Variants in TGFB2 observed in about 807,000 individuals in gnomAD.
The protein encoded by TGFB2 is transforming growth factor beta-2 proprotein.
In TGFB2, 13 loss-of-function variants were observed where a neutral mutation model predicts 42.7. The ratio of observed to expected loss-of-function variants is 0.30; its 90% CI spans 0.20 to 0.48. The LOEUF (loss-of-function observed/expected upper bound fraction) is 0.48, where lower values mean the gene tolerates loss of function less well. Among genes scored for constraint, TGFB2 ranks in the 20% least tolerant of loss-of-function variants. The probability of loss-of-function intolerance (pLI) is 0.99; values close to 1 mark genes in which losing one functional copy is unlikely to be tolerated. For synonymous variants in TGFB2, 193 were observed against 193.6 expected (o/e 1.00, Z 0.03); for missense variants, 390 against 517.5 (o/e 0.75, Z 2.39).
rs536810691 is a variant in TGFB2, at chr1:218,444,415, T to C, written c.*3053T>C. On this transcript the variant is annotated 3_prime_UTR_variant, in exon 7 of 7. Coordinates refer to ENST00000366930, the MANE Select transcript of TGFB2 (RefSeq NM_003238.6). ...GGATAGTTGCTGAGCCAGCCAGATA[T>C]AACAAGAGCCACGTGCTTTCTGGGG... 4 of 152,280 alleles carry C rather than the reference T, an allele frequency of 2.6e-5. No individual in the cohort carries two copies. In the South Asian group the frequency reaches 8.3e-4, roughly 32 times the overall value. The allele number at this position is 152,280 out of a possible 1,614,324, so 9.4% of individuals were successfully genotyped here. A position where few individuals can be genotyped will look rare whatever the true frequency, so the allele number is the denominator to read the frequency against.
intron 2 of TGFB2, among the ~76,000 whole-genome samples, chr1:218,413,387 A>G (rs1305956676): frequency 2.0e-5 from 3 of 152,166 alleles, no homozygotes; most frequent in Non-Finnish European, 4.4e-5. Flanking sequence ...TCATCTGCCA[A>G]TGGGTTCCTG....
chr1:218,443,779 G>A lies in TGFB2; in HGVS notation c.*2417G>A, dbSNP rs1168147674. 1 of 151,444 alleles carries A rather than the reference G, an allele frequency of 6.6e-6. No individual in the cohort carries two copies. The highest frequency in any genetic ancestry group is 2.4e-5 in the African/African-American group (1 of 41,114). The allele number at this position is 151,444 out of a possible 1,614,324, so 9.4% of individuals were successfully genotyped here. A position where few individuals can be genotyped will look rare whatever the true frequency, so the allele number is the denominator to read the frequency against. On this transcript the variant is annotated 3_prime_UTR_variant, in exon 7 of 7. Transcript: ENST00000366930. ...CCATAAGTAAATATTGCCATGGGAG[G>A]GGGGTGGAGGTGGCAAGGAAGGGGT...
chr1:218,427,913 T>C (rs1184571609), intron 2 of TGFB2, among the ~76,000 whole-genome samples: 1 of 152,222 alleles, frequency 6.6e-6, no homozygotes, highest in Non-Finnish European at 1.5e-5. Flanking sequence ...TGCCACACTG[T>C]CTTCCACAAT....
chr1:218,374,053 C>T (rs1657661047), intron 1 of TGFB2, among the ~76,000 whole-genome samples: 1 of 152,160 alleles, frequency 6.6e-6, no homozygotes, highest in African/African-American at 2.4e-5. Flanking sequence ...TGTGTGCTTA[C>T]AGTTATTTTC....
intron 6 of TGFB2, 105 bp downstream of exon 6, chr1:218,437,601 A>G (rs971589997): frequency 8.1e-7 from 1 of 1,229,152 alleles, no homozygotes. Context: ...TCTTACCATC[A>G]CACATGTATG....
At chr1:218,431,227 G>A (rs1037294742) in intron 2 of TGFB2, among the ~76,000 whole-genome samples, 3 of 152,200 alleles carry the variant, frequency 2.0e-5, no homozygotes, top group Non-Finnish European at 4.4e-5. Context: ...GGATGAGATT[G>A]TCTGTTTTCT....
At chr1:218,358,230 A>T (rs2102540332) in intron 1 of TGFB2, among the ~76,000 whole-genome samples, 1 of 152,292 alleles carries the variant, frequency 6.6e-6, no homozygotes, top group Middle Eastern at 3.4e-3. Flanking sequence ...TTTTTAGTGG[A>T]TTTTCAGAGC....
intron 1 of TGFB2, among the ~76,000 whole-genome samples, chr1:218,356,883 G>A (rs17047715): frequency 0.032 from 4,820 of 152,248 alleles, 248 homozygotes; most frequent in African/African-American, 0.11. Flanking sequence ...TTTTAAAGGC[G>A]GCTTTAGCAA....
chr1:218,363,733 T>C (rs1326134315), intron 1 of TGFB2, among the ~76,000 whole-genome samples: 5 of 152,236 alleles, frequency 3.3e-5, no homozygotes, highest in African/African-American at 1.2e-4. Context: ...GAGGCCACTC[T>C]CTGGAGGGTT....
chr1:218,441,151 C>A, intron 6 of TGFB2, 53 bp from the exon 7 acceptor site: 1 of 1,524,036 alleles, frequency 6.6e-7, no homozygotes, highest in Admixed American at 2.2e-5. Context: ...AAACGAATTG[C>A]GTTCATTTTC....
At chr1:218,411,861 T>A (rs1207905943) in intron 2 of TGFB2, among the ~76,000 whole-genome samples, 3 of 125,778 alleles carry the variant, frequency 2.4e-5, no homozygotes, top group African/African-American at 1.1e-4. Flanking sequence ...CCAAATTCAG[T>A]CTCAAAAAAA....
At chr1:218,428,970 A>G (rs1422106015) in intron 2 of TGFB2, among the ~76,000 whole-genome samples, 1 of 129,694 alleles carries the variant, frequency 7.7e-6, no homozygotes, top group Non-Finnish European at 1.6e-5. Flanking sequence ...ATCCATGAGC[A>G]TCTTTTTTTT....
chr1:218,368,204 G>A (rs959355367), intron 1 of TGFB2, among the ~76,000 whole-genome samples: 1 of 152,080 alleles, frequency 6.6e-6, no homozygotes, highest in African/African-American at 2.4e-5. Context: ...GAGTACAGCA[G>A]CGTGATCTCG....
At chr1:218,383,609 G>A (rs1233919019) in intron 1 of TGFB2, among the ~76,000 whole-genome samples, 1 of 152,160 alleles carries the variant, frequency 6.6e-6, no homozygotes, top group Non-Finnish European at 1.5e-5. Flanking sequence ...CAGGCAGAAA[G>A]TCCTAGCAAG....
At chr1:218,355,446 C>T (rs1267025483) in intron 1 of TGFB2, among the ~76,000 whole-genome samples, 1 of 152,204 alleles carries the variant, frequency 6.6e-6, no homozygotes, top group Non-Finnish European at 1.5e-5. Flanking sequence ...AAATCCTACT[C>T]CAGGCCTGTG....
chr1:218,432,362 C>G (rs1185198637), intron 2 of TGFB2, among the ~76,000 whole-genome samples: 1 of 152,188 alleles, frequency 6.6e-6, no homozygotes, highest in Non-Finnish European at 1.5e-5. Flanking sequence ...CCTCCACATT[C>G]TCTTCTTTTA....
At chr1:218,411,225 G>A (rs1411537829) in intron 2 of TGFB2, among the ~76,000 whole-genome samples, 1 of 152,160 alleles carries the variant, frequency 6.6e-6, no homozygotes, top group Non-Finnish European at 1.5e-5. Context: ...TGCACAACAA[G>A]CTTCAAAATG....
intron 5 of TGFB2, 99 bp from the exon 6 acceptor site, chr1:218,437,244 G>A: frequency 1.7e-6 from 2 of 1,208,662 alleles, no homozygotes; most frequent in South Asian, 1.6e-5. Flanking sequence ...TTGAATAAAT[G>A]AATGAATCAT....
intron 1 of TGFB2, among the ~76,000 whole-genome samples, chr1:218,353,198 G>A (rs1214708483): frequency 1.3e-5 from 2 of 152,172 alleles, no homozygotes; most frequent in Non-Finnish European, 2.9e-5. Context: ...ATTAACCTCG[G>A]ATGTCTTGGA....
Sources: gnomAD v4.1 joint callset for allele counts (sites outside exome capture counted in the v4.1 genomes callset) on GRCh38, gnomAD v4.1.1 for gene constraint, MANE v1.5 for transcripts, NCBI Gene and HGNC (gene_info 2026-07-23, HGNC 2026-07-21) for gene names.